The following PDZRN4 variants were observed in gnomAD, a reference collection of about 807,000 sequenced individuals.
PDZRN4 encodes PDZ domain-containing RING finger protein 4.
In PDZRN4, 70 loss-of-function variants were observed where a neutral mutation model predicts 99.0. The ratio of observed to expected loss-of-function variants is 0.71; its 90% CI spans 0.58 to 0.86. The LOEUF (loss-of-function observed/expected upper bound fraction) is 0.86. Ranked by LOEUF, PDZRN4 falls within the 40% of genes least tolerant of loss-of-function variation. The probability of loss-of-function intolerance (pLI) is 0.00; values close to 1 mark genes in which losing one functional copy is unlikely to be tolerated. For synonymous variants in PDZRN4, 551 were observed against 501.6 expected (o/e 1.10, Z -1.32); for missense variants, 1,474 against 1,331.2 (o/e 1.11, Z -1.67).
chr12:41,474,530 T>C (rs1008127696), intron 3 of PDZRN4, among the ~76,000 whole-genome samples: 1 of 152,098 alleles, frequency 6.6e-6, no homozygotes, highest in Admixed American at 6.6e-5. Context: ...AACGATGGAG[T>C]TGAAACTCAA....
At chr12:41,226,560 A>T (rs975417783) in intron 3 of PDZRN4, among the ~76,000 whole-genome samples, 1 of 152,102 alleles carries the variant, frequency 6.6e-6, no homozygotes, top group African/African-American at 2.4e-5. Context: ...TTAAAAAAAA[A>T]AAATGAACGT....
At chr12:41,352,042 G>T (rs1171447208) in intron 3 of PDZRN4, among the ~76,000 whole-genome samples, 1 of 148,450 alleles carries the variant, frequency 6.7e-6, no homozygotes, top group Non-Finnish European at 1.5e-5. Context: ...AAGTAGAGCT[G>T]GGAAATAAAT....
intron 3 of PDZRN4, among the ~76,000 whole-genome samples, chr12:41,431,064 T>C (rs1952582700): frequency 6.6e-6 from 1 of 152,178 alleles, no homozygotes; most frequent in African/African-American, 2.4e-5. Flanking sequence ...TGGTAAACCA[T>C]GATCTAATCA....
At chr12:41,199,293 A>G (rs1950799065) in intron 3 of PDZRN4, among the ~76,000 whole-genome samples, 1 of 152,184 alleles carries the variant, frequency 6.6e-6, no homozygotes, top group African/African-American at 2.4e-5. Flanking sequence ...ATGCAAATTA[A>G]AATCACAATG....
intron 3 of PDZRN4, among the ~76,000 whole-genome samples, chr12:41,469,736 C>T (rs976861393): frequency 2.0e-5 from 3 of 152,136 alleles, no homozygotes; most frequent in African/African-American, 7.2e-5. Context: ...TCGAGACCAT[C>T]CTGGCTAACA....
intron 3 of PDZRN4, among the ~76,000 whole-genome samples, chr12:41,258,993 ACT>A (rs1225554647): frequency 6.6e-6 from 1 of 151,984 alleles, no homozygotes; most frequent in African/African-American, 2.4e-5. Flanking sequence ...ATTCATTAAC[ACT>A]CTCCTTTATC....
At chr12:41,248,682 A>G (rs1348929029) in intron 3 of PDZRN4, among the ~76,000 whole-genome samples, 7 of 152,206 alleles carry the variant, frequency 4.6e-5, no homozygotes, top group South Asian at 2.1e-4. Context: ...AACATATTTC[A>G]TATATAGCAA....
chr12:41,402,148 C>A (rs1274370618), intron 3 of PDZRN4, among the ~76,000 whole-genome samples: 1 of 81,802 alleles, frequency 1.2e-5, no homozygotes, highest in African/African-American at 6.9e-5. Context: ...TATACACACA[C>A]TGAGTATATA....
chr12:41,378,844 G>A (rs1952101690), intron 3 of PDZRN4, among the ~76,000 whole-genome samples: 1 of 152,080 alleles, frequency 6.6e-6, no homozygotes. Flanking sequence ...TTTTTTTGGA[G>A]AAGCTTAAGA....
At chr12:41,203,704 T>C (rs1395124086) in intron 3 of PDZRN4, among the ~76,000 whole-genome samples, 1 of 151,988 alleles carries the variant, frequency 6.6e-6, no homozygotes, top group Non-Finnish European at 1.5e-5. Context: ...AGCTCCTGTA[T>C]CTGTGCCTTC....
chr12:41,572,540 C>G lies in PDZRN4; in HGVS notation c.1761C>G (p.Asp587Glu). The G allele has an allele frequency of 6.2e-7, 1 of 1,614,086 alleles. No homozygotes were observed. The highest frequency in any genetic ancestry group is 8.5e-7 in the Non-Finnish European group (1 of 1,180,006). Reference sequence around the variant, plus strand: ...GCACATCTTTGAAGAGCAAGAGAGACCTGGGGCAGAGCCAAGACACTCTGG... The same window carrying G: ...GCACATCTTTGAAGAGCAAGAGAGAGCTGGGGCAGAGCCAAGACACTCTGG... ...PNSTSLKSKR[D>E]LGQSQDTLGS... Residue 587 changes from aspartate (D) to glutamate (E), a missense_variant, in exon 10 of 10, where the codon GAC becomes GAG. By Grantham distance (45) the Asp-to-Glu change is conservative. Transcript: ENST00000402685.
At chr12:41,219,236 G>A (rs956839188) in intron 3 of PDZRN4, among the ~76,000 whole-genome samples, 3 of 151,966 alleles carry the variant, frequency 2.0e-5, no homozygotes, top group African/African-American at 7.2e-5. Context: ...TGAGGTTGGT[G>A]GGAAGAAGCC....
intron 5 of PDZRN4, among the ~76,000 whole-genome samples, chr12:41,516,378 G>A (rs924493704): frequency 2.6e-5 from 4 of 152,056 alleles, no homozygotes; most frequent in African/African-American, 9.7e-5. Context: ...AATAAACATT[G>A]CTGCTACTAT....
chr12:41,470,582 T>C (rs1311343934), intron 3 of PDZRN4, among the ~76,000 whole-genome samples: 1 of 152,130 alleles, frequency 6.6e-6, no homozygotes. Context: ...ACATGTGCCA[T>C]GTTGGTGTGC....
intron 3 of PDZRN4, among the ~76,000 whole-genome samples, chr12:41,344,535 G>T (rs1323329955): frequency 1.4e-5 from 2 of 141,512 alleles, no homozygotes; most frequent in Non-Finnish European, 1.5e-5. Context: ...AACTACCACC[G>T]TCTAACAAAT....
At chr12:41,568,373 C>T (rs541238041) in intron 9 of PDZRN4, among the ~76,000 whole-genome samples, 7 of 152,284 alleles carry the variant, frequency 4.6e-5, no homozygotes, top group Non-Finnish European at 1.0e-4. Flanking sequence ...GGCGTGATTA[C>T]ACCTGTATAT....
At chr12:41,200,428 A>T (rs569394650) in intron 3 of PDZRN4, among the ~76,000 whole-genome samples, 1 of 152,276 alleles carries the variant, frequency 6.6e-6, no homozygotes, top group African/African-American at 2.4e-5. Context: ...GACTGGAAAG[A>T]TCCTTATACC....
At chr12:41,384,189 A>G (rs537737669) in intron 3 of PDZRN4, among the ~76,000 whole-genome samples, 3 of 152,136 alleles carry the variant, frequency 2.0e-5, no homozygotes, top group Admixed American at 6.5e-5. Context: ...CATTTATTAA[A>G]TAACAACAAA....
chr12:41,550,327 C>T (rs1939030893), intron 5 of PDZRN4, among the ~76,000 whole-genome samples: 2 of 152,162 alleles, frequency 1.3e-5, no homozygotes, highest in Admixed American at 1.3e-4. Flanking sequence ...AGGTCCCAAT[C>T]TCAGCTCGTT....
Sources: gnomAD v4.1 joint callset for allele counts (sites outside exome capture counted in the v4.1 genomes callset) on GRCh38, gnomAD v4.1.1 for gene constraint, MANE v1.5 for transcripts, NCBI Gene and HGNC (gene_info 2026-07-23, HGNC 2026-07-21) for gene names.